DARS1: variants seen among roughly 807,000 people sequenced by gnomAD.
The protein encoded by DARS1 is aspartate--tRNA ligase, cytoplasmic.
Under a neutral mutation model 68.8 loss-of-function variants are expected in DARS1, and 51 were observed. The ratio of observed to expected loss-of-function variants is 0.74; its 90% CI spans 0.59 to 0.94. The LOEUF (loss-of-function observed/expected upper bound fraction) is 0.94. Ranked by LOEUF, DARS1 falls within the 40% of genes least tolerant of loss-of-function variation. DARS1 has a pLI of 0.00. For synonymous variants in DARS1, 203 were observed against 190.4 expected, an observed-to-expected ratio of 1.07 and a Z score of -0.55; for missense variants, 607 against 597.3, an observed-to-expected ratio of 1.02 and a Z score of -0.17.
At chr2:135,958,694 G>A (rs1349081913) in intron 4 of DARS1, among the ~76,000 whole-genome samples, 1 of 152,070 alleles carries the variant, frequency 6.6e-6, no homozygotes, top group Non-Finnish European at 1.5e-5. Flanking sequence ...ACGAGTCTTA[G>A]CCATAAGAAT....
intron 5 of DARS1, among the ~76,000 whole-genome samples, chr2:135,936,867 T>C (rs1681482787): frequency 6.6e-6 from 1 of 152,192 alleles, no homozygotes; most frequent in African/African-American, 2.4e-5. Context: ...CATATAGGCC[T>C]ATCTCTGAAT....
At chr2:135,979,125 T>C (rs1575409593) in intron 3 of DARS1, 149 bp downstream of exon 3, 2 of 535,884 alleles carry the variant, frequency 3.7e-6, no homozygotes, top group South Asian at 2.9e-5. Flanking sequence ...TGATTAACCA[T>C]GGGTTAATAC....
At chr2:135,970,484 G>A (rs1048150411) in intron 3 of DARS1, among the ~76,000 whole-genome samples, 13 of 152,040 alleles carry the variant, frequency 8.6e-5, no homozygotes, top group African/African-American at 3.1e-4. Flanking sequence ...TACAGTGAAA[G>A]CTGTACTAAG....
At position 135,954,197 on chromosome 2, in the gene DARS1, CAG is replaced by C. The variant is rs558760281; in HGVS notation, c.320+7197_320+7198del. ...GATCTAACACCATTACACACTATTT[CAG>C]AGAGGCAGGATGACACAGAGACTAG... On this transcript the variant is annotated intron_variant, in intron 4 of 15. Transcript: ENST00000264161. Among the ~76,000 whole-genome samples the C allele has an allele frequency of 2.1e-3, 316 of 151,664 alleles. 2 individuals are homozygous for C. Among genetic ancestry groups the C allele is most frequent in the African/African-American group, 6.9e-3 (284 of 41,370 alleles).
intron 4 of DARS1, among the ~76,000 whole-genome samples, chr2:135,958,756 T>C (rs1051594724): frequency 2.6e-5 from 4 of 152,202 alleles, no homozygotes; most frequent in Non-Finnish European, 5.9e-5. Context: ...CTGGTAATTA[T>C]TCAGGCTCGA....
At chr2:135,941,358 A>G (rs1362759149) in intron 5 of DARS1, among the ~76,000 whole-genome samples, 2 of 152,198 alleles carry the variant, frequency 1.3e-5, no homozygotes, top group Non-Finnish European at 2.9e-5. Flanking sequence ...AACACCGCAT[A>G]TCTACAACTA....
chr2:135,943,939 C>T (rs1681661898), intron 4 of DARS1, among the ~76,000 whole-genome samples: 1 of 152,076 alleles, frequency 6.6e-6, no homozygotes, highest in African/African-American at 2.4e-5. Flanking sequence ...AATAAGAGGA[C>T]ATTAGCGTGC....
At chr2:135,934,419 C>T (rs982911338) in intron 5 of DARS1, among the ~76,000 whole-genome samples, 2 of 151,832 alleles carry the variant, frequency 1.3e-5, no homozygotes, top group African/African-American at 4.8e-5. Context: ...CCCAGGAGTT[C>T]GAGACCAGGC....
chr2:135,907,261 T>TTTTTTTTTTTTTTTTTTGGGG lies in DARS1; in HGVS notation c.*54_*55insCCCCAAAAAAAAAAAAAAAAA. ...GGCTTTCTTTTTTTTTTTTTTTTTT[T>TTTTTTTTTTTTTTTTTTGGGG]GAGGCAGGGTCTCGCTCTGTCATCC... On this transcript the variant is annotated 3_prime_UTR_variant, in exon 16 of 16. Transcript: ENST00000264161. 2 of 889,242 alleles carry TTTTTTTTTTTTTTTTTTGGGG rather than the reference T, an allele frequency of 2.2e-6. No homozygotes were observed. Among genetic ancestry groups the TTTTTTTTTTTTTTTTTTGGGG allele is most frequent in the Non-Finnish European group, 1.7e-6 (1 of 601,878 alleles). The allele number at this position is 889,242 out of a possible 1,614,324, so 55.1% of individuals were successfully genotyped here. A position where few individuals can be genotyped will look rare whatever the true frequency, so the allele number is the denominator to read the frequency against.
rs771802331 is a variant in DARS1 at position 135,979,341 on chromosome 2, G to A, written c.150C>T (p.Asp50=). 6.8e-7 allele frequency: 1 copy of A among 1,475,650 alleles called. No individual in the cohort carries two copies. Among genetic ancestry groups the A allele is most frequent in the African/African-American group, 1.4e-5 (1 of 72,446 alleles). 91.4% of individuals were successfully genotyped at this position (1,475,650 alleles called of 1,614,324 possible). A position where few individuals can be genotyped will look rare whatever the true frequency, so the allele number is the denominator to read the frequency against. ...KPDRVLVRVR[D]LTIQKADEVV... is the part of the protein sequence containing the mutation. ...CTTCATCAGCTTTTTGTATTGTCAA[G>A]TCTCTAACCCGAACCAAAACTCGAT... is the stretch of plus-strand genomic sequence containing the variant. The change falls in exon 3 of 16, where the codon GAC becomes GAT. Residue 50 remains aspartate, a synonymous_variant. Transcript: ENST00000264161.
chr2:135,978,143 AAAAAAAAAAAAAAAAAAAAAAAG>A (rs1466682024), intron 3 of DARS1, among the ~76,000 whole-genome samples: 2 of 73,280 alleles, frequency 2.7e-5, no homozygotes, highest in Admixed American at 3.8e-4. Context: ...ACTCTGTCTC[AAAAAAAAAAAAAAAAAAAAAAAG>A]AAAAAAAGAA....
chr2:135,927,539 T>C (rs962552797), intron 7 of DARS1, among the ~76,000 whole-genome samples: 2 of 152,086 alleles, frequency 1.3e-5, no homozygotes, highest in African/African-American at 4.8e-5. Flanking sequence ...TTGTTTTGGG[T>C]CAGACAAATA....
At chr2:135,960,550 T>A (rs1682076989) in intron 4 of DARS1, among the ~76,000 whole-genome samples, 1 of 152,108 alleles carries the variant, frequency 6.6e-6, no homozygotes, top group African/African-American at 2.4e-5. Flanking sequence ...AAAAAATATA[T>A]CATTTACTCT....
Position 135,906,375 on chromosome 2 carries a change from G to A in DARS1, c.*941C>T, listed in dbSNP as rs181557343. ...TCTTACACAAAAATTTCTTTTTGAC[G>A]GATAAGATGGGACTGGATTTTACTG... On this transcript the variant is annotated 3_prime_UTR_variant, in exon 16 of 16. Coordinates refer to ENST00000264161, the MANE Select transcript of DARS1 (RefSeq NM_001349.4). Among the ~76,000 whole-genome samples the A allele has an allele frequency of 9.2e-5, 14 of 152,178 alleles. No homozygotes were observed. The East Asian group carries it at 1.9e-3, about 21-fold the overall frequency.
At chr2:135,969,553 AATG>A (rs1466468150) in intron 3 of DARS1, among the ~76,000 whole-genome samples, 5 of 152,004 alleles carry the variant, frequency 3.3e-5, no homozygotes, top group South Asian at 2.1e-4. Context: ...TCCAGTTAAA[AATG>A]ATGAAGACCA....
At chr2:135,960,934 AACATTTGTTTT>A (rs1433230736) in intron 4 of DARS1, among the ~76,000 whole-genome samples, 13 of 152,230 alleles carry the variant, frequency 8.5e-5, no homozygotes, top group African/African-American at 3.1e-4. Flanking sequence ...AAAGTTGTAA[AACATTTGTTTT>A]ACTTCCTTCT....
chr2:135,950,163 T>C (rs1681810936), intron 4 of DARS1, among the ~76,000 whole-genome samples: 1 of 152,192 alleles, frequency 6.6e-6, no homozygotes. Flanking sequence ...TCTCCCACTT[T>C]GTTGTGTATG....
At chr2:135,982,672 G>A (rs1316964430) in intron 2 of DARS1, among the ~76,000 whole-genome samples, 1 of 151,940 alleles carries the variant, frequency 6.6e-6, no homozygotes, top group Admixed American at 6.6e-5. Context: ...AAGATAGACT[G>A]GGGTCTAAGA....
chr2:135,909,016 A>G lies in DARS1; in HGVS notation c.1415-1609T>C, dbSNP rs567243944. Among the ~76,000 whole-genome samples, 411 of 152,328 alleles carry G rather than the reference A, an allele frequency of 2.7e-3. 1 individual carries two copies. Among genetic ancestry groups the G allele is most frequent in the African/African-American group, 9.2e-3 (382 of 41,584 alleles). Reference sequence around the variant, plus strand: ...GATGAAGCTGGAAGCCATTATCCTCAGCAAACTAATGCAGGAACAGAAAAC... The same window carrying G: ...GATGAAGCTGGAAGCCATTATCCTCGGCAAACTAATGCAGGAACAGAAAAC... On this transcript the variant is annotated intron_variant, in intron 15 of 15. Transcript: ENST00000264161.
Sources: gnomAD v4.1 joint callset for allele counts (sites outside exome capture counted in the v4.1 genomes callset) on GRCh38, gnomAD v4.1.1 for gene constraint, MANE v1.5 for transcripts, NCBI Gene and HGNC (gene_info 2026-07-23, HGNC 2026-07-21) for gene names.